DPH6: variants seen among roughly 807,000 people sequenced by gnomAD.
DPH6 encodes diphthine--ammonia ligase.
A neutral mutation model predicts 38.2 loss-of-function variants in DPH6; 33 were observed. The observed-to-expected ratio is 0.86, with a 90% confidence interval of 0.65 to 1.15. DPH6 has a LOEUF of 1.15. DPH6 is among the 50% of genes most tolerant of loss of function. The probability of loss-of-function intolerance (pLI) is 0.00; values close to 1 mark genes in which losing one functional copy is unlikely to be tolerated. For synonymous variants in DPH6, 108 were observed against 103.0 expected (o/e 1.05, Z -0.30); for missense variants, 325 against 320.0 (o/e 1.02, Z -0.12).
At chr15:35,249,464 T>C (rs1193323979) in intron 3 of DPH6, among the ~76,000 whole-genome samples, 2 of 152,212 alleles carry the variant, frequency 1.3e-5, no homozygotes, top group South Asian at 2.1e-4. Context: ...TTTAAGGAGA[T>C]AGATGGTATA....
chr15:35,450,968 C>T (rs2053925741), intron 4 of DPH6, among the ~76,000 whole-genome samples, 165 bp from the exon 5 acceptor site: 1 of 152,070 alleles, frequency 6.6e-6, no homozygotes, highest in Non-Finnish European at 1.5e-5. Context: ...ACAACATAAA[C>T]ATATTTAATT....
intron 3 of DPH6, among the ~76,000 whole-genome samples, chr15:35,357,510 CTTG>C (rs1157366535): frequency 2.0e-5 from 3 of 152,112 alleles, no homozygotes; most frequent in African/African-American, 4.8e-5. Context: ...GAGGTTCTGT[CTTG>C]TTGTGTTTTC....
chr15:35,541,806 A>C (rs1175962661), intron 2 of DPH6, among the ~76,000 whole-genome samples: 2 of 152,132 alleles, frequency 1.3e-5, no homozygotes, highest in East Asian at 3.8e-4. Context: ...AATTGGGGAT[A>C]TTTCATTGGA....
intron 3 of DPH6, among the ~76,000 whole-genome samples, chr15:35,342,790 T>G (rs2140880029): frequency 6.6e-6 from 1 of 152,294 alleles, no homozygotes; most frequent in Admixed American, 6.5e-5. Flanking sequence ...TTAATTCATC[T>G]TCATCAGGTC....
At chr15:35,441,176 A>T (rs142443569) in intron 5 of DPH6, among the ~76,000 whole-genome samples, 441 of 152,270 alleles carry the variant, frequency 2.9e-3, no homozygotes, top group African/African-American at 0.01. Context: ...GCTGGAGAGG[A>T]TGTGGAGAAA....
chr15:35,226,291 G>A (rs1348004648), intron 3 of DPH6, among the ~76,000 whole-genome samples: 13 of 152,134 alleles, frequency 8.5e-5, no homozygotes, highest in African/African-American at 2.9e-4. Context: ...CTTTGTCTCT[G>A]TATAGTTCTC....
chr15:35,261,926 C>T (rs1032917194), intron 3 of DPH6, among the ~76,000 whole-genome samples: 1 of 152,046 alleles, frequency 6.6e-6, no homozygotes, highest in Non-Finnish European at 1.5e-5. Flanking sequence ...AATAGTTTCA[C>T]CTGAAGCTAC....
At chr15:35,251,706 G>T (rs1167834399) in intron 3 of DPH6, among the ~76,000 whole-genome samples, 2 of 152,050 alleles carry the variant, frequency 1.3e-5, no homozygotes, top group Non-Finnish European at 2.9e-5. Flanking sequence ...CTGTTGTATT[G>T]ACTCATAAAA....
intron 3 of DPH6, among the ~76,000 whole-genome samples, chr15:35,472,510 A>C (rs1178106149): frequency 6.6e-6 from 1 of 152,140 alleles, no homozygotes; most frequent in African/African-American, 2.4e-5. Flanking sequence ...CCAAATCCAT[A>C]GCCAGCTAAT....
intron 3 of DPH6, among the ~76,000 whole-genome samples, chr15:35,485,872 A>G (rs1383261312): frequency 6.6e-6 from 1 of 151,944 alleles, no homozygotes; most frequent in Non-Finnish European, 1.5e-5. Context: ...TTAAGCCAGG[A>G]CTCTTCCTTC....
chr15:35,382,634 C>A (rs1344080882), intron 6 of DPH6, among the ~76,000 whole-genome samples: 1 of 152,102 alleles, frequency 6.6e-6, no homozygotes, highest in African/African-American at 2.4e-5. Flanking sequence ...TAGTGAATTT[C>A]TCAAGGATAC....
intron 3 of DPH6, among the ~76,000 whole-genome samples, chr15:35,338,441 T>A (rs1249118185): frequency 1.3e-5 from 2 of 152,222 alleles, no homozygotes; most frequent in African/African-American, 4.8e-5. Flanking sequence ...ATGCTCACCA[T>A]CACTGGCCAT....
chr15:35,475,908 G>A (rs1354843745), intron 3 of DPH6, among the ~76,000 whole-genome samples: 1 of 151,630 alleles, frequency 6.6e-6, no homozygotes, highest in East Asian at 1.9e-4. Flanking sequence ...ATATATAGCT[G>A]GAGAAAAGAT....
At chr15:35,349,862 G>C (rs2052494909) in intron 3 of DPH6, among the ~76,000 whole-genome samples, 1 of 152,184 alleles carries the variant, frequency 6.6e-6, no homozygotes, top group African/African-American at 2.4e-5. Context: ...AAGCATGCTA[G>C]TGTTTTGCTG....
At chr15:35,400,384 C>T (rs2053201007) in intron 6 of DPH6, among the ~76,000 whole-genome samples, 1 of 151,776 alleles carries the variant, frequency 6.6e-6, no homozygotes, top group African/African-American at 2.4e-5. Flanking sequence ...GGAAAGAGAA[C>T]ATATATGTAA....
chr15:35,538,555 A>G lies in DPH6; in HGVS notation c.119-88T>C, dbSNP rs1284710202. 6.8e-6 allele frequency: 8 copies of G among 1,172,476 alleles called. No homozygotes were observed. In the East Asian group the frequency reaches 1.9e-4, roughly 27 times the overall value. The allele number at this position is 1,172,476 out of a possible 1,614,324, so 72.6% of individuals were successfully genotyped here. A position where few individuals can be genotyped will look rare whatever the true frequency, so the allele number is the denominator to read the frequency against. ...CCCATCCAGGTTTTACTGCTTGAAT[A>G]GTCGACACAGAACTTGAAAGCTTGC... On this transcript the variant is annotated intron_variant, in intron 2 of 8. Coordinates refer to ENST00000256538, the MANE Select transcript of DPH6 (RefSeq NM_080650.4).
intron 3 of DPH6, among the ~76,000 whole-genome samples, chr15:35,356,493 A>C (rs965495871): frequency 4.6e-5 from 7 of 151,946 alleles, no homozygotes; most frequent in African/African-American, 9.7e-5. Context: ...GTTAGTTTTC[A>C]TTTTAACAGT....
chr15:35,483,072 A>G (rs1166489227), intron 3 of DPH6, among the ~76,000 whole-genome samples: 1 of 152,150 alleles, frequency 6.6e-6, no homozygotes, highest in Admixed American at 6.6e-5. Context: ...AAAATGAGCA[A>G]AAGATTTCAC....
intron 6 of DPH6, among the ~76,000 whole-genome samples, chr15:35,391,291 G>A (rs911759710): frequency 2.6e-5 from 4 of 152,160 alleles, no homozygotes; most frequent in African/African-American, 4.8e-5. Flanking sequence ...TGGGGGTCAG[G>A]GACCCACTTG....
Sources: allele counts gnomAD v4.1 joint callset (sites outside exome capture counted in the v4.1 genomes callset), GRCh38; gene constraint gnomAD v4.1.1; transcripts MANE v1.5; gene names NCBI Gene and HGNC (gene_info 2026-07-23, HGNC 2026-07-21).